Variants in GNAQ observed in about 807,000 individuals in gnomAD.
GNAQ encodes the protein G protein subunit alpha q.
In GNAQ, 8 loss-of-function variants were observed where a neutral mutation model predicts 43.9. The ratio of observed to expected loss-of-function variants is 0.18; its 90% CI spans 0.11 to 0.33. GNAQ has a LOEUF of 0.33. Ranked by LOEUF, GNAQ falls within the 10% of genes least tolerant of loss-of-function variation. GNAQ has a pLI of 1.00. For synonymous variants in GNAQ, 155 were observed against 170.7 expected, an observed-to-expected ratio of 0.91 and a Z score of 0.71; for missense variants, 158 against 450.8, an observed-to-expected ratio of 0.35 and a Z score of 5.88.
rs1825268567 is a variant in GNAQ at position 77,719,016 on chromosome 9, T to C, written c.*2307A>G. 2 of 232,362 alleles carry C rather than the reference T, an allele frequency of 8.6e-6. No homozygotes were observed. Among genetic ancestry groups the C allele is most frequent in the Non-Finnish European group, 8.5e-6 (1 of 117,514 alleles). The allele number at this position is 232,362 out of a possible 1,614,324, so 14.4% of individuals were successfully genotyped here. The stretch of plus-strand genomic sequence containing the variant: ...CCGACTGATTTTATGTATTTTGCTA[T>C]GAAATTACCTTTGGGTCTTATAATC... On this transcript the variant is annotated 3_prime_UTR_variant, in exon 7 of 7. Transcript: ENST00000286548.
rs997372337 is a variant in GNAQ at position 77,720,375 on chromosome 9, G to GA, written c.*947dup. 16 of 232,256 alleles carry GA rather than the reference G, an allele frequency of 6.9e-5. No individual in the cohort carries two copies. Among genetic ancestry groups the GA allele is most frequent in the African/African-American group, 2.0e-4 (9 of 45,036 alleles). 14.4% of individuals were successfully genotyped at this position (232,256 alleles called of 1,614,324 possible). A position where few individuals can be genotyped will look rare whatever the true frequency, so the allele number is the denominator to read the frequency against. ...TTTAAAATCGTGGCCCAAACACCAA[G>GA]AAAAAAAAGAAAGGAAAAGCTTGAA... is the stretch of plus-strand genomic sequence containing the variant. On this transcript the variant is annotated 3_prime_UTR_variant, in exon 7 of 7. Transcript: ENST00000286548.
At chr9:77,917,241 C>A (rs1389407378) in intron 2 of GNAQ, among the ~76,000 whole-genome samples, 1 of 152,168 alleles carries the variant, frequency 6.6e-6, no homozygotes, top group South Asian at 2.1e-4. Context: ...TCAGCTGTAA[C>A]TCAAAGACAG....
chr9:77,965,794 T>C (rs1823158568), intron 1 of GNAQ, among the ~76,000 whole-genome samples: 1 of 150,346 alleles, frequency 6.7e-6, no homozygotes, highest in African/African-American at 2.5e-5. Context: ...AACATACCCC[T>C]GGTAATGTGT....
chr9:78,008,475 AC>A (rs780980609), intron 1 of GNAQ, among the ~76,000 whole-genome samples: 10 of 152,128 alleles, frequency 6.6e-5, no homozygotes, highest in Non-Finnish European at 1.3e-4. Flanking sequence ...CCCTGCTACC[AC>A]CCCCACCATC....
chr9:77,934,728 T>C (rs1273666482), intron 1 of GNAQ, among the ~76,000 whole-genome samples: 1 of 152,182 alleles, frequency 6.6e-6, no homozygotes, highest in Non-Finnish European at 1.5e-5. Context: ...AGACAGAAAG[T>C]ATCATGGAAA....
At chr9:77,732,578 C>T (rs758488663) in intron 5 of GNAQ, among the ~76,000 whole-genome samples, 3 of 152,158 alleles carry the variant, frequency 2.0e-5, no homozygotes, top group Non-Finnish European at 4.4e-5. Flanking sequence ...GTTGGCCAGG[C>T]TGGTAATGAA....
chr9:77,760,234 CCACGG>C (rs2118326245), intron 5 of GNAQ, among the ~76,000 whole-genome samples: 1 of 147,892 alleles, frequency 6.8e-6, no homozygotes, highest in Non-Finnish European at 1.5e-5. Flanking sequence ...CTCCCTCTCC[CCACGG>C]TCTCCCTCTG....
intron 2 of GNAQ, among the ~76,000 whole-genome samples, chr9:77,853,800 A>AAAAAC (rs1554720789): frequency 6.8e-6 from 1 of 146,096 alleles, no homozygotes; most frequent in Non-Finnish European, 1.5e-5. Flanking sequence ...AAAAAAAAAA[A>AAAAAC]CCCACAGGCA....
chr9:78,018,737 T>C (rs1047453767), intron 1 of GNAQ, among the ~76,000 whole-genome samples: 15 of 152,168 alleles, frequency 9.9e-5, no homozygotes, highest in Non-Finnish European at 4.4e-5. Flanking sequence ...CAAGTGCTCT[T>C]ATTTCATTCC....
In GNAQ at chr9:78,031,429, C is replaced by A. The variant is rs1419690830; in HGVS notation, c.-194G>T. The A allele has an allele frequency of 2.6e-5, 6 of 229,442 alleles. No homozygotes were observed. Among genetic ancestry groups the A allele is most frequent in the Non-Finnish European group, 5.0e-5 (6 of 118,932 alleles). 14.2% of individuals were successfully genotyped at this position (229,442 alleles called of 1,614,324 possible). ...CCGGGGCCACCAGGTGGGCCGGGGG[C>A]GCGGTGGGAGCGGATAGTCTGGGCC... is the stretch of plus-strand genomic sequence containing the variant. On this transcript the variant is annotated 5_prime_UTR_variant, in exon 1 of 7. Transcript: ENST00000286548.
intron 1 of GNAQ, among the ~76,000 whole-genome samples, chr9:78,019,964 A>C (rs1043647781): frequency 1.3e-5 from 2 of 151,742 alleles, no homozygotes; most frequent in African/African-American, 4.8e-5. Flanking sequence ...GACTTTAGGA[A>C]CCTTTAAAAA....
At chr9:77,867,481 T>C (rs542801614) in intron 2 of GNAQ, among the ~76,000 whole-genome samples, 8 of 152,226 alleles carry the variant, frequency 5.3e-5, no homozygotes, top group African/African-American at 9.6e-5. Flanking sequence ...CCTAAATATA[T>C]GGTAGAGTCT....
chr9:77,972,925 C>G (rs1207802724), intron 1 of GNAQ, among the ~76,000 whole-genome samples: 1 of 148,634 alleles, frequency 6.7e-6, no homozygotes, highest in Non-Finnish European at 1.5e-5. Context: ...TGTACTCCAG[C>G]CTGGGTGACA....
At position 77,874,701 on chromosome 9, in the gene GNAQ, C is replaced by T. The variant is rs1288672430; in HGVS notation, c.321+47460G>A. Among the ~76,000 whole-genome samples, 9 of 151,950 alleles carry T rather than the reference C, an allele frequency of 5.9e-5. No individual in the cohort carries two copies. In the East Asian group the frequency reaches 1.2e-3, roughly 20 times the overall value. Reference sequence around the variant, plus strand: ...GTGTCATAGCGCGATCATGGCTCACCGCAACCTCCACCACCCGGGCTTAAG... The same window carrying T: ...GTGTCATAGCGCGATCATGGCTCACTGCAACCTCCACCACCCGGGCTTAAG... On this transcript the variant is annotated intron_variant, in intron 2 of 6. Transcript: ENST00000286548.
intron 2 of GNAQ, among the ~76,000 whole-genome samples, chr9:77,914,690 C>G (rs1828865640): frequency 6.6e-6 from 1 of 151,780 alleles, no homozygotes; most frequent in South Asian, 2.1e-4. Context: ...TGAGAAAACT[C>G]TCAAAGATTT....
intron 1 of GNAQ, among the ~76,000 whole-genome samples, chr9:77,987,324 G>T (rs1165363710): frequency 6.6e-6 from 1 of 151,888 alleles, no homozygotes; most frequent in Non-Finnish European, 1.5e-5. Context: ...CTTCTGAAAT[G>T]GTAGGAGTCA....
intron 2 of GNAQ, among the ~76,000 whole-genome samples, chr9:77,919,040 C>T (rs1828957772): frequency 6.6e-6 from 1 of 152,136 alleles, no homozygotes; most frequent in Admixed American, 6.5e-5. Flanking sequence ...CTGCCTCAGC[C>T]TCCCAAGTAG....
intron 3 of GNAQ, among the ~76,000 whole-genome samples, chr9:77,803,946 C>A (rs1401322002): frequency 6.6e-6 from 1 of 152,128 alleles, no homozygotes; most frequent in Non-Finnish European, 1.5e-5. Context: ...AAAATAAATT[C>A]AGAAACAGGA....
chr9:77,892,371 C>T (rs1015848956), intron 2 of GNAQ, among the ~76,000 whole-genome samples: 2 of 152,194 alleles, frequency 1.3e-5, no homozygotes, highest in East Asian at 1.9e-4. Flanking sequence ...CCCACAACCA[C>T]TGCAACTGAT....
Sources: allele counts gnomAD v4.1 joint callset (sites outside exome capture counted in the v4.1 genomes callset), GRCh38; gene constraint gnomAD v4.1.1; transcripts MANE v1.5; gene names NCBI Gene and HGNC (gene_info 2026-07-23, HGNC 2026-07-21).